The following CYRIA variants were observed in gnomAD, a reference collection of about 807,000 sequenced individuals.
The protein encoded by CYRIA is CYFIP-related Rac1 interactor A.
A neutral mutation model predicts 43.9 loss-of-function variants in CYRIA; 15 were observed. The observed-to-expected ratio is 0.34, with a 90% confidence interval of 0.23 to 0.53. CYRIA has a LOEUF of 0.53. CYRIA is among the 20% of genes least tolerant of loss of function. CYRIA has a pLI of 0.94. For missense variants in CYRIA, 236 were observed against 394.2 expected, an observed-to-expected ratio of 0.60 and a Z score of 3.40; for synonymous variants, 117 against 136.0, an observed-to-expected ratio of 0.86 and a Z score of 0.97.
rs188730675 is a variant in CYRIA, at chr2:16,644,785, A to G, written c.-166-20766T>C. Among the ~76,000 whole-genome samples, 10 of 152,276 alleles carry G rather than the reference A, an allele frequency of 6.6e-5. No homozygotes were observed. The East Asian group carries it at 1.9e-3, about 29-fold the overall frequency. ...TTCTACCTTTGCGGGAGTCTTTAACATGCAAGGGGGTCAATTATTGCTAAG... is the reference window on the plus strand; with the variant it reads ...TTCTACCTTTGCGGGAGTCTTTAACGTGCAAGGGGGTCAATTATTGCTAAG... On this transcript the variant is annotated intron_variant, in intron 1 of 11. Transcript: ENST00000381323.
intron 1 of CYRIA, among the ~76,000 whole-genome samples, chr2:16,658,007 G>A (rs1670161880): frequency 6.6e-6 from 1 of 151,890 alleles, no homozygotes; most frequent in South Asian, 2.1e-4. Context: ...TAATTCTGAA[G>A]GTATTCAAGG....
chr2:16,619,898 C>T (rs953364697), intron 2 of CYRIA, among the ~76,000 whole-genome samples: 1 of 152,222 alleles, frequency 6.6e-6, no homozygotes, highest in African/African-American at 2.4e-5. Flanking sequence ...AACTCCTACT[C>T]ATCCTTCAAT....
intron 2 of CYRIA, among the ~76,000 whole-genome samples, chr2:16,621,936 T>G (rs75931756): frequency 1.9e-3 from 293 of 152,344 alleles, no homozygotes; most frequent in African/African-American, 6.7e-3. Context: ...GAACAGGAAC[T>G]TGGTTTTGTT....
chr2:16,601,187 A>G (rs987570233), intron 2 of CYRIA, among the ~76,000 whole-genome samples: 1 of 152,158 alleles, frequency 6.6e-6, no homozygotes, highest in African/African-American at 2.4e-5. Flanking sequence ...GAAATGAAGG[A>G]AAAGAGAAAA....
rs140912306 is a variant in CYRIA, at chr2:16,553,996, T to C, written c.909-997A>G. Among the ~76,000 whole-genome samples the C allele has an allele frequency of 1.6e-4, 24 of 152,286 alleles. 1 individual carries two copies. The highest frequency in any genetic ancestry group is 5.1e-4 in the African/African-American group (21 of 41,582). On this transcript the variant is annotated intron_variant, in intron 11 of 11. Transcript: ENST00000381323. The stretch of plus-strand genomic sequence containing the variant: ...ATACTAAGTCTCTTCTAAAGGATGA[T>C]GACTTAGCAACACAGCAAAACAGCA...
At chr2:16,657,477 G>A (rs980172643) in intron 1 of CYRIA, among the ~76,000 whole-genome samples, 3 of 130,390 alleles carry the variant, frequency 2.3e-5, no homozygotes, top group Non-Finnish European at 4.7e-5. Flanking sequence ...GATGTTTTTT[G>A]TTGTTTTTTT....
At chr2:16,575,599 T>G (rs1196967512) in intron 3 of CYRIA, among the ~76,000 whole-genome samples, 1 of 152,202 alleles carries the variant, frequency 6.6e-6, no homozygotes, top group Admixed American at 6.5e-5. Context: ...CTCATGCTTG[T>G]AATCCCAGCA....
chr2:16,559,100 AG>A (rs1247693403), intron 10 of CYRIA, among the ~76,000 whole-genome samples: 3 of 152,184 alleles, frequency 2.0e-5, no homozygotes, highest in Admixed American at 6.5e-5. Context: ...CTTGTAATGT[AG>A]TATCTCCCAA....
chr2:16,659,173 T>A (rs575625547), intron 1 of CYRIA, among the ~76,000 whole-genome samples: 1 of 152,296 alleles, frequency 6.6e-6, no homozygotes, highest in Non-Finnish European at 1.5e-5. Context: ...ACTCACCAGC[T>A]CTTTGAGATG....
intron 3 of CYRIA, among the ~76,000 whole-genome samples, chr2:16,570,903 G>T (rs142798141): frequency 1.3e-5 from 2 of 152,024 alleles, no homozygotes; most frequent in African/African-American, 4.8e-5. Flanking sequence ...ATTATTTCAC[G>T]GAAATTGAGG....
chr2:16,604,262 A>T (rs911148052), intron 2 of CYRIA, among the ~76,000 whole-genome samples: 3 of 152,220 alleles, frequency 2.0e-5, no homozygotes, highest in Non-Finnish European at 4.4e-5. Context: ...CAATTAAGAC[A>T]ATCTACCTTT....
intron 3 of CYRIA, 151 bp from the exon 4 acceptor site, chr2:16,565,918 A>G (rs1048979474): frequency 1.5e-5 from 10 of 683,974 alleles, no homozygotes; most frequent in Non-Finnish European, 2.1e-5. Context: ...CTAGGATGCT[A>G]GGAAGGGAAA....
intron 3 of CYRIA, among the ~76,000 whole-genome samples, chr2:16,587,563 G>GA (rs202178492): frequency 1.7e-4 from 25 of 150,778 alleles, no homozygotes; most frequent in East Asian, 9.7e-4. Context: ...AATGATTTCA[G>GA]AAAAAAAAAT....
chr2:16,629,002 G>A (rs555845556), intron 1 of CYRIA, among the ~76,000 whole-genome samples: 33 of 152,216 alleles, frequency 2.2e-4, no homozygotes, highest in African/African-American at 6.3e-4. Flanking sequence ...TGGAAGCCCC[G>A]GAACCCTAAT....
chr2:16,602,966 T>G (rs926013220), intron 2 of CYRIA, among the ~76,000 whole-genome samples: 1 of 152,140 alleles, frequency 6.6e-6, no homozygotes, highest in Non-Finnish European at 1.5e-5. Flanking sequence ...CTTGCCAGTA[T>G]CCTGCAAATA....
chr2:16,576,074 A>T (rs1426119364), intron 3 of CYRIA, among the ~76,000 whole-genome samples: 1 of 152,090 alleles, frequency 6.6e-6, no homozygotes, highest in East Asian at 1.9e-4. Flanking sequence ...AATCTCGGGT[A>T]TGTCTTTATA....
At chr2:16,565,796 G>T (rs764956216) in intron 3 of CYRIA, 29 bp from the exon 4 acceptor site, 2 of 1,518,564 alleles carry the variant, frequency 1.3e-6, no homozygotes, top group African/African-American at 1.4e-5. Context: ...GAGAGACAGA[G>T]TGCTGGTGTT....
In CYRIA at chr2:16,581,343, A is replaced by G. The variant is rs182560201; in HGVS notation, c.70+6707T>C. 3.5e-4 allele frequency among the ~76,000 whole-genome samples: 54 copies of G among 152,300 alleles called. No individual in the cohort carries two copies. In the East Asian group the frequency reaches 0.01, roughly 29 times the overall value. On this transcript the variant is annotated intron_variant, in intron 3 of 11. Transcript: ENST00000381323. ...GCAACTATACAATAAGCACATGAAA[A>G]AGAGCTCAACACTGTCAGTTATTAT...
chr2:16,567,609 A>C (rs186246533), intron 3 of CYRIA, among the ~76,000 whole-genome samples: 1 of 152,194 alleles, frequency 6.6e-6, no homozygotes, highest in African/African-American at 2.4e-5. Flanking sequence ...TTTTTAGACT[A>C]GGTGACTCAC....
Sources: allele counts gnomAD v4.1 joint callset (sites outside exome capture counted in the v4.1 genomes callset), GRCh38; gene constraint gnomAD v4.1.1; transcripts MANE v1.5; gene names NCBI Gene and HGNC (gene_info 2026-07-23, HGNC 2026-07-21).